The following IGSF9 variants were observed in gnomAD, a reference collection of about 807,000 sequenced individuals.
IGSF9 encodes protein turtle homolog A.
IGSF9 carries 87 observed loss-of-function variants against 121.7 expected under a neutral mutation model. The observed-to-expected ratio is 0.71, with a 90% confidence interval of 0.60 to 0.85. The LOEUF (loss-of-function observed/expected upper bound fraction) is 0.85. Ranked by LOEUF, IGSF9 falls within the 40% of genes least tolerant of loss-of-function variation. IGSF9 has a pLI of 0.00. For missense variants in IGSF9, 1,462 were observed against 1,565.3 expected, an observed-to-expected ratio of 0.93 and a Z score of 1.11; for synonymous variants, 640 against 648.4, an observed-to-expected ratio of 0.99 and a Z score of 0.20.
chr1:159,929,304 C>G, intron 18 of IGSF9, 47 bp downstream of exon 18: 1 of 1,592,438 alleles, frequency 6.3e-7, no homozygotes. Flanking sequence ...GATACTGGCA[C>G]GTACAATGGA....
At chr1:159,938,632 G>A (rs951731865) in intron 3 of IGSF9, among the ~76,000 whole-genome samples, 1 of 152,222 alleles carries the variant, frequency 6.6e-6, no homozygotes, top group Non-Finnish European at 1.5e-5. Context: ...ATGGGTCCCT[G>A]GCAGTGTAGC....
rs746305138 is a variant in IGSF9, at chr1:159,931,780, GGGTACA to G, written c.1362+26_1362+31del. The G allele has an allele frequency of 2.5e-5, 37 of 1,486,486 alleles. No homozygotes were observed. In the South Asian group the frequency reaches 4.3e-4, roughly 17 times the overall value. 92.1% of individuals were successfully genotyped at this position (1,486,486 alleles called of 1,614,324 possible). On this transcript the variant is annotated intron_variant, in intron 11 of 20. Transcript: ENST00000368094. This position sits in a 1 kb window ranked among gnomAD's most constrained non-coding sequence, Gnocchi z 4.8. Reference sequence around the variant, plus strand: ...CGAGAGGCAGGGGTGTAGTGGGCGTGGGTACAGGCAGAGCGGGCTCAGGAGCCTTAC... The same window carrying G: ...CGAGAGGCAGGGGTGTAGTGGGCGTGGGCAGAGCGGGCTCAGGAGCCTTAC...
rs1215436211 is a variant in IGSF9, at chr1:159,928,622, G to A, written c.2766C>T (p.Pro922=). 16 of 1,493,260 alleles carry A rather than the reference G, an allele frequency of 1.1e-5. No homozygotes were observed. The highest frequency in any genetic ancestry group is 1.4e-5 in the South Asian group (1 of 72,312). 92.5% of individuals were successfully genotyped at this position (1,493,260 alleles called of 1,614,324 possible). ...AGGGCAGGCTCAGGTACTGGAGCAG[G>A]GGTCCAGGACCTGGCAAGGGACTGG... ...APPSPLPGPG[P]LLQYLSLPFF... is the part of the protein sequence containing the mutation. Residue 922 remains proline, a synonymous_variant, in exon 19 of 21, where the codon CCC becomes CCT. Coordinates refer to ENST00000368094, the MANE Select transcript of IGSF9 (RefSeq NM_001135050.2).
rs1298374478 is a variant in IGSF9, at chr1:159,934,531, G to T, written c.855C>A (p.Ser285Arg). ...CAGGCTGGGTGGCCAGCAGCCGCAG[G>T]CTCCCGTCCACCAGGATCCGCACCC... ...QPRVRILVDG[S>R]LRLLATQPDD... The change falls in exon 8 of 21, where the codon AGC (serine) becomes AGA (arginine). Residue 285 changes from serine to arginine, a missense_variant. Ser to Arg is a moderately radical substitution (Grantham distance 110, BLOSUM62 -1). Coordinates refer to ENST00000368094, the MANE Select transcript of IGSF9 (RefSeq NM_001135050.2). 1 of 1,613,862 alleles carries T rather than the reference G, an allele frequency of 6.2e-7. No individual in the cohort carries two copies. The highest frequency in any genetic ancestry group is 2.2e-5 in the East Asian group (1 of 44,868).
At chr1:159,938,221 G>A (rs1371812813) in intron 3 of IGSF9, among the ~76,000 whole-genome samples, 1 of 152,160 alleles carries the variant, frequency 6.6e-6, no homozygotes, top group African/African-American at 2.4e-5. Context: ...TGTAGGGGAA[G>A]GTGTGAGCTC....
Position 159,932,066 on chromosome 1 carries a change from T to C in IGSF9, c.1246-138A>G, listed in dbSNP as rs147436437. 818 of 621,174 alleles carry C rather than the reference T, an allele frequency of 1.3e-3. 4 individuals carry two copies. The African/African-American group carries it at 0.014, about 11-fold the overall frequency. 38.5% of individuals were successfully genotyped at this position (621,174 alleles called of 1,614,324 possible). ...CCTAGCTAAACACTCACCAAGCCTGTCTCTACCTCATTCTCTCTCCATCTC... is the reference window on the plus strand; with the variant it reads ...CCTAGCTAAACACTCACCAAGCCTGCCTCTACCTCATTCTCTCTCCATCTC... On this transcript the variant is annotated intron_variant, in intron 10 of 20. Coordinates refer to ENST00000368094, the MANE Select transcript of IGSF9 (RefSeq NM_001135050.2). This position sits in a 1 kb window ranked among gnomAD's most constrained non-coding sequence, Gnocchi z 4.1.
Position 159,930,762 on chromosome 1 carries a change from C to G in IGSF9, c.1743G>C (p.Gln581His), listed in dbSNP as rs140900410. 361 of 1,614,048 alleles carry G rather than the reference C, an allele frequency of 2.2e-4. No individual in the cohort carries two copies. The highest frequency in any genetic ancestry group is 2.8e-4 in the Non-Finnish European group (334 of 1,180,018). ...VPGLQPHTQY[Q>H]FSVLAQNKLG... ...GCTTGTTCTGAGCTAGCACGCTGAACTGGTACTGGGTGTGGGGCTGCAGCC... is the reference window on the plus strand; with the variant it reads ...GCTTGTTCTGAGCTAGCACGCTGAAGTGGTACTGGGTGTGGGGCTGCAGCC... Residue 581 changes from glutamine (Q) to histidine (H), a missense_variant, in exon 14 of 21, where the codon CAG (glutamine) becomes CAC (histidine). Around this residue, in one of 3 missense-constraint regions of IGSF9, gnomAD observed 808 missense variants for 815.2 expected, o/e 0.99. Coordinates refer to ENST00000368094, the MANE Select transcript of IGSF9 (RefSeq NM_001135050.2).
Position 159,939,535 on chromosome 1 carries a change from A to G in IGSF9, c.248-1697T>C, listed in dbSNP as rs184420718. Among the ~76,000 whole-genome samples, 280 of 152,108 alleles carry G rather than the reference A, an allele frequency of 1.8e-3. 2 individuals are homozygous for G. Among genetic ancestry groups the G allele is most frequent in the African/African-American group, 6.4e-3 (265 of 41,470 alleles). On this transcript the variant is annotated intron_variant, in intron 3 of 20. Coordinates refer to ENST00000368094, the MANE Select transcript of IGSF9 (RefSeq NM_001135050.2). ...TCACTGTGCCTGGCTGCATTTTCTT[A>G]ATCTTATGTTGTTTGCAAATGCAGC...
intron 17 of IGSF9, 100 bp from the exon 18 acceptor site, chr1:159,929,493 G>T: frequency 6.6e-7 from 1 of 1,520,894 alleles, no homozygotes; most frequent in Non-Finnish European, 9.0e-7. Context: ...CCATCCGGCT[G>T]GGAAAAGCGT....
chr1:159,932,516 A>G lies in IGSF9; in HGVS notation c.1241T>C (p.Leu414Pro), dbSNP rs759830455. ...AGPSPVTRVLLKAPPAFIERP... is the reference protein window; with the variant it reads ...AGPSPVTRVLPKAPPAFIERP... ...CCCGCCCACCCCCGGCCTAACCTTGAGCAGCACGCGGGTCACAGGAGAGGG... is the reference window on the plus strand; with the variant it reads ...CCCGCCCACCCCCGGCCTAACCTTGGGCAGCACGCGGGTCACAGGAGAGGG... The change falls in exon 10 of 21, where the codon CTC becomes CCC. Residue 414 changes from leucine to proline, a missense_variant. Physicochemically the swap from Leu to Pro is moderately conservative, Grantham distance 98. Around this residue, in one of 3 missense-constraint regions of IGSF9, gnomAD observed 558 missense variants for 599.4 expected, o/e 0.93. Coordinates refer to ENST00000368094, the MANE Select transcript of IGSF9 (RefSeq NM_001135050.2). The surrounding 1 kb of genome is among the most constrained non-coding windows in gnomAD (Gnocchi z 4.1). The G allele has an allele frequency of 1.2e-6, 2 of 1,611,214 alleles. No individual in the cohort carries two copies. Among genetic ancestry groups the G allele is most frequent in the African/African-American group, 1.3e-5 (1 of 74,498 alleles).
rs143248267 is a variant in IGSF9 at position 159,927,424 on chromosome 1, C to T, written c.3461G>A (p.Arg1154His). The T allele has an allele frequency of 1.7e-5, 27 of 1,613,932 alleles. 1 individual carries two copies. The highest frequency in any genetic ancestry group is 1.5e-4 in the Admixed American group (9 of 60,002). Residue 1154 changes from arginine to histidine, a missense_variant, in exon 21 of 21, where the codon CGC (arginine) becomes CAC (histidine). Coordinates refer to ENST00000368094, the MANE Select transcript of IGSF9 (RefSeq NM_001135050.2). ...CCGAGCCCTAGTAGCATCTCGGCGG[C>T]GGCGGAAGGCCAGGAATTCCTCCCG... ...ALREEFLAFRRRRDATRARLP... is the reference protein window; with the variant it reads ...ALREEFLAFRHRRDATRARLP...
chr1:159,928,678 T>C lies in IGSF9; in HGVS notation c.2710A>G (p.Ser904Gly), dbSNP rs773342152. ...APQPLCIEDI[S>G]PVAPPPAAPP... ...GCTGCTGGAGGGGGTGCCACAGGGC[T>C]GATGTCTTCAATGCAGAGGGGCTGG... Residue 904 changes from serine to glycine, a missense_variant, in exon 19 of 21, where the codon AGC becomes GGC. By Grantham distance (56) the Ser-to-Gly change is moderately conservative (BLOSUM62 0). Coordinates refer to ENST00000368094, the MANE Select transcript of IGSF9 (RefSeq NM_001135050.2). 15 of 1,479,592 alleles carry C rather than the reference T, an allele frequency of 1.0e-5. No homozygotes were observed. Among genetic ancestry groups the C allele is most frequent in the Non-Finnish European group, 1.3e-5 (15 of 1,113,562 alleles). The allele number at this position is 1,479,592 out of a possible 1,614,324, so 91.7% of individuals were successfully genotyped here.
chr1:159,940,032 T>G (rs1210158318), intron 3 of IGSF9, among the ~76,000 whole-genome samples: 10 of 152,172 alleles, frequency 6.6e-5, no homozygotes. Flanking sequence ...GAAGGAAGAT[T>G]GAGTGTGGAA....
rs1277743135 is a variant in IGSF9, at chr1:159,931,047, C to A, written c.1637+91G>T. 6.4e-7 allele frequency: 1 copy of A among 1,572,434 alleles called. No individual in the cohort carries two copies. The highest frequency in any genetic ancestry group is 8.7e-7 in the Non-Finnish European group (1 of 1,150,872). ...CCAGGACTGGTGAGGGATAGAGGGA[C>A]AGAAGAAAGGGCAGAAGGCCAGATA... On this transcript the variant is annotated intron_variant, in intron 13 of 20. Coordinates refer to ENST00000368094, the MANE Select transcript of IGSF9 (RefSeq NM_001135050.2). The surrounding 1 kb of genome is among the most constrained non-coding windows in gnomAD (Gnocchi z 4.8).
intron 14 of IGSF9, 103 bp from the exon 15 acceptor site, chr1:159,930,542 A>G: frequency 4.6e-6 from 7 of 1,521,612 alleles, no homozygotes; most frequent in Non-Finnish European, 6.2e-6. Context: ...ACCCCTGAAG[A>G]CAAGCTCAAA....
Position 159,936,434 on chromosome 1 carries a change from C to T in IGSF9, c.638G>A (p.Gly213Asp). ...VYTCQASSTE[G>D]SATHATQLLV... ...CAGCTGGGTGGCGTGGGTGGCGCTG[C>T]CCTCAGTGCTGGAGGCTTGGCAGGT... is the stretch of plus-strand genomic sequence containing the variant. The change falls in exon 6 of 21, where the codon GGC (glycine) becomes GAC (aspartate). Residue 213 changes from glycine (G) to aspartate (D), a missense_variant. By Grantham distance (94) the Gly-to-Asp change is moderately conservative. Around this residue, in one of 3 missense-constraint regions of IGSF9, gnomAD observed 558 missense variants for 599.4 expected, o/e 0.93. Coordinates refer to ENST00000368094, the MANE Select transcript of IGSF9 (RefSeq NM_001135050.2). 2 of 1,614,076 alleles carry T rather than the reference C, an allele frequency of 1.2e-6. No individual in the cohort carries two copies. The highest frequency in any genetic ancestry group is 1.7e-6 in the Non-Finnish European group (2 of 1,180,002).
At chr1:159,941,150 G>T (rs1433864302) in intron 3 of IGSF9, among the ~76,000 whole-genome samples, 3 of 152,076 alleles carry the variant, frequency 2.0e-5, no homozygotes, top group African/African-American at 7.3e-5. Flanking sequence ...TCCCTTCTGT[G>T]TGGTCCCTAA....
chr1:159,932,558 C>A lies in IGSF9; in HGVS notation c.1199G>T (p.Ser400Ile), dbSNP rs1557933284. 1 of 1,614,120 alleles carries A rather than the reference C, an allele frequency of 6.2e-7. No individual in the cohort carries two copies. Among genetic ancestry groups the A allele is most frequent in the Non-Finnish European group, 8.5e-7 (1 of 1,179,990 alleles). The change falls in exon 10 of 21, where the codon AGT becomes ATT. Residue 400 changes from serine (S) to isoleucine (I), a missense_variant. By Grantham distance (142) the Ser-to-Ile change is moderately radical. Around this residue, in one of 3 missense-constraint regions of IGSF9, gnomAD observed 558 missense variants for 599.4 expected, o/e 0.93. Coordinates refer to ENST00000368094, the MANE Select transcript of IGSF9 (RefSeq NM_001135050.2). The surrounding 1 kb of genome is among the most constrained non-coding windows in gnomAD (Gnocchi z 4.1). The stretch of plus-strand genomic sequence containing the variant: ...AGGAGAGGGCCCGGCGGTACCAAGA[C>A]TGTTGTAGGGGGTGCAGGAGTATTC... ...LGEYSCTPYN[S>I]LGTAGPSPVT...
At position 159,943,410 on chromosome 1, in the gene IGSF9, G is replaced by C. The variant is rs1242513313; in HGVS notation, c.45C>G (p.Ser15Arg). 2 of 1,588,852 alleles carry C rather than the reference G, an allele frequency of 1.3e-6. No homozygotes were observed. The highest frequency in any genetic ancestry group is 2.3e-5 in the South Asian group (2 of 86,854). ...AGCTCAGCTTACCGTCAGCCCCCTG[G>C]CTGATGACCAGGCTGAGGACGGCCA... ...LGLAVLSLVI[S>R]QGADGRGKPE... The change falls in exon 2 of 21, where the codon AGC becomes AGG. Residue 15 changes from serine to arginine, a missense_variant. Ser to Arg is a moderately radical substitution (Grantham distance 110, BLOSUM62 -1). This residue lies in a region of IGSF9 where 558 missense variants were observed against 599.4 expected (regional missense o/e 0.93). Coordinates refer to ENST00000368094, the MANE Select transcript of IGSF9 (RefSeq NM_001135050.2).
Sources: gnomAD v4.1 joint callset for allele counts (sites outside exome capture counted in the v4.1 genomes callset) on GRCh38, gnomAD v4.1.1 for gene constraint, gnomAD v4.1.1 regional missense constraint, Gnocchi (gnomAD v3.1) non-coding constraint, MANE v1.5 for transcripts, NCBI Gene and HGNC (gene_info 2026-07-23, HGNC 2026-07-21) for gene names.